The following MPC1 variants were observed in gnomAD, a reference collection of about 807,000 sequenced individuals.
MPC1 encodes HSPC040 protein.
Under a neutral mutation model 13.9 loss-of-function variants are expected in MPC1, and 6 were observed. The observed-to-expected ratio is 0.43, with a 90% CI of 0.24 to 0.85. The LOEUF (loss-of-function observed/expected upper bound fraction) is 0.85, where lower values mean the gene tolerates loss of function less well. MPC1 is among the 40% of genes least tolerant of loss of function. The probability of loss-of-function intolerance (pLI) is 0.24; values close to 1 mark genes in which losing one functional copy is unlikely to be tolerated. For missense variants in MPC1, 115 were observed against 143.3 expected, an observed-to-expected ratio of 0.80 and a Z score of 1.01; for synonymous variants, 47 against 50.5, an observed-to-expected ratio of 0.93 and a Z score of 0.29.
In MPC1 at chr6:166,367,195, C is replaced by A; in HGVS notation, c.76-304G>T. ...TCATCTCTGATTGTCCTATTTAGAACATTTAAAAATAAAAATAAGATTCAC... is the reference window on the plus strand; with the variant it reads ...TCATCTCTGATTGTCCTATTTAGAAAATTTAAAAATAAAAATAAGATTCAC... On this transcript the variant is annotated intron_variant, in intron 2 of 4. Coordinates refer to ENST00000360961, the MANE Select transcript of MPC1 (RefSeq NM_016098.4). 8.5e-7 allele frequency: 1 copy of A among 1,182,154 alleles called. No homozygotes were observed. Among genetic ancestry groups the A allele is most frequent in the South Asian group, 1.8e-5 (1 of 54,422 alleles). The allele number at this position is 1,182,154 out of a possible 1,614,324, so 73.2% of individuals were successfully genotyped here. A position where few individuals can be genotyped will look rare whatever the true frequency, so the allele number is the denominator to read the frequency against.
intron 2 of MPC1, among the ~76,000 whole-genome samples, chr6:166,368,363 C>A (rs1409557596): frequency 6.6e-6 from 1 of 152,016 alleles, no homozygotes; most frequent in Non-Finnish European, 1.5e-5. Flanking sequence ...TAAGACTAGC[C>A]TGGCCAACAT....
At chr6:166,373,204 C>T (rs1046370821) in intron 1 of MPC1, among the ~76,000 whole-genome samples, 9 of 152,158 alleles carry the variant, frequency 5.9e-5, no homozygotes, top group Non-Finnish European at 4.4e-5. Context: ...TAGTGCTGTA[C>T]ATCGTGTGGG....
At chr6:166,368,774 T>A (rs1372040428) in intron 2 of MPC1, 1 of 985,398 alleles carries the variant, frequency 1.0e-6, no homozygotes, top group Non-Finnish European at 1.2e-6. Flanking sequence ...CACTTCATTT[T>A]TCAACTCTCT....
intron 1 of MPC1, among the ~76,000 whole-genome samples, chr6:166,374,204 G>A (rs1015419086): frequency 2.0e-5 from 3 of 152,160 alleles, no homozygotes; most frequent in African/African-American, 7.2e-5. Context: ...TGTTGGCCAG[G>A]CTGGTCTCAA....
At chr6:166,366,516 T>G (rs948618972) in intron 3 of MPC1, among the ~76,000 whole-genome samples, 3 of 152,222 alleles carry the variant, frequency 2.0e-5, no homozygotes, top group African/African-American at 7.2e-5. Flanking sequence ...GTTCACAATA[T>G]AAATCATTAA....
At chr6:166,371,513 C>T (rs759843141) in intron 1 of MPC1, among the ~76,000 whole-genome samples, 19 of 151,990 alleles carry the variant, frequency 1.3e-4, no homozygotes, top group Non-Finnish European at 1.8e-4. Flanking sequence ...TTGAGCAGTA[C>T]GGCAGGGGGA....
chr6:166,374,555 G>T (rs1779502160), intron 1 of MPC1, among the ~76,000 whole-genome samples: 1 of 152,272 alleles, frequency 6.6e-6, no homozygotes, highest in African/African-American at 2.4e-5. Flanking sequence ...TTCATAGTTT[G>T]TGATTTACAT....
chr6:166,365,514 G>A lies in MPC1; in HGVS notation c.306-61C>T. ...CAAAATTTCAATGCCAATCGCAAGG[G>A]CTTTGGATGGCTTTTAAAAGACACC... On this transcript the variant is annotated intron_variant, in intron 4 of 4. Transcript: ENST00000360961. This position sits in a 1 kb window ranked among gnomAD's most constrained non-coding sequence, Gnocchi z 4.2. 7.4e-7 allele frequency: 1 copy of A among 1,353,712 alleles called. No homozygotes were observed. The highest frequency in any genetic ancestry group is 1.0e-6 in the Non-Finnish European group (1 of 997,330). The allele number at this position is 1,353,712 out of a possible 1,614,324, so 83.9% of individuals were successfully genotyped here. A position where few individuals can be genotyped will look rare whatever the true frequency, so the allele number is the denominator to read the frequency against.
intron 1 of MPC1, among the ~76,000 whole-genome samples, chr6:166,370,678 A>AC (rs1260605302): frequency 6.6e-6 from 1 of 152,120 alleles, no homozygotes; most frequent in East Asian, 1.9e-4. Context: ...ACATAGTGAG[A>AC]CCCCATCTAT....
intron 2 of MPC1, chr6:166,368,954 G>A: frequency 2.0e-6 from 2 of 985,458 alleles, no homozygotes; most frequent in Non-Finnish European, 2.4e-6. Flanking sequence ...AGAGCCTGAA[G>A]AGTTATTCTA....
chr6:166,367,291 T>C (rs1779197433), intron 2 of MPC1: 1 of 671,752 alleles, frequency 1.5e-6, no homozygotes, highest in African/African-American at 1.9e-5. Flanking sequence ...TATGTTTAAA[T>C]CTATCCACAC....
At chr6:166,379,372 T>C (rs746503936) in intron 1 of MPC1, among the ~76,000 whole-genome samples, 4 of 152,128 alleles carry the variant, frequency 2.6e-5, no homozygotes, top group Admixed American at 6.5e-5. Context: ...TGCACACCTG[T>C]AGCCCTAGCT....
At chr6:166,368,891 T>C in intron 2 of MPC1, 1 of 985,450 alleles carries the variant, frequency 1.0e-6, no homozygotes, top group South Asian at 4.7e-5. Context: ...TCCTCTGCAC[T>C]GTATGGTGGT....
At chr6:166,374,786 TTC>T (rs1374152188) in intron 1 of MPC1, among the ~76,000 whole-genome samples, 1 of 152,244 alleles carries the variant, frequency 6.6e-6, no homozygotes, top group Non-Finnish European at 1.5e-5. Flanking sequence ...CTTTATTCTG[TTC>T]CATTGATTGA....
chr6:166,375,450 CT>C (rs34879281), intron 1 of MPC1, among the ~76,000 whole-genome samples: 77,823 of 127,130 alleles, frequency 0.61, 22,022 homozygotes, highest in East Asian at 0.85. Context: ...TTCTAATTTG[CT>C]TTTTTTTTTT....
chr6:166,380,547 C>T (rs1275588937), intron 1 of MPC1, among the ~76,000 whole-genome samples: 1 of 152,156 alleles, frequency 6.6e-6, no homozygotes, highest in African/African-American at 2.4e-5. Context: ...ATTGAAAAGC[C>T]TGGCTCTTGG....
chr6:166,367,324 A>C (rs933578919), intron 2 of MPC1: 4 of 342,334 alleles, frequency 1.2e-5, no homozygotes, highest in Non-Finnish European at 1.7e-5. Flanking sequence ...ATTTTTATGA[A>C]GATATTTGTT....
chr6:166,365,127 T>A lies in MPC1; in HGVS notation c.*302A>T. On this transcript the variant is annotated 3_prime_UTR_variant, in exon 5 of 5. Transcript: ENST00000360961. The surrounding 1 kb of genome is among the most constrained non-coding windows in gnomAD (Gnocchi z 4.2). ...GGTTACAAATTTTGTTCTCTTCAGTTTTTCATTAAGTAAATTCTAATAGAT... is the reference window on the plus strand; with the variant it reads ...GGTTACAAATTTTGTTCTCTTCAGTATTTCATTAAGTAAATTCTAATAGAT... 1 of 245,944 alleles carries A rather than the reference T, an allele frequency of 4.1e-6. No homozygotes were observed. Among genetic ancestry groups the A allele is most frequent in the East Asian group, 7.5e-5 (1 of 13,250 alleles). The allele number at this position is 245,944 out of a possible 1,614,324, so 15.2% of individuals were successfully genotyped here. A position where few individuals can be genotyped will look rare whatever the true frequency, so the allele number is the denominator to read the frequency against.
chr6:166,374,855 G>A (rs1779512487), intron 1 of MPC1, among the ~76,000 whole-genome samples: 1 of 152,156 alleles, frequency 6.6e-6, no homozygotes, highest in Non-Finnish European at 1.5e-5. Flanking sequence ...TCTATAGTAA[G>A]TTTGAAAGTT....
Sources: gnomAD v4.1 joint callset for allele counts (sites outside exome capture counted in the v4.1 genomes callset) on GRCh38, gnomAD v4.1.1 for gene constraint, Gnocchi (gnomAD v3.1) non-coding constraint, MANE v1.5 for transcripts, NCBI Gene and HGNC (gene_info 2026-07-23, HGNC 2026-07-21) for gene names.